Variants in HYDIN observed in about 807,000 individuals in gnomAD.
HYDIN encodes the protein axonemal central pair apparatus protein HYDIN.
A neutral mutation model predicts 403.9 loss-of-function variants in HYDIN; 132 were observed. The ratio of observed to expected loss-of-function variants is 0.33; its 90% CI spans 0.28 to 0.38. The LOEUF is 0.38. HYDIN is among the 10% of genes least tolerant of loss of function. The pLI is 1.00. For missense variants in HYDIN, 2,827 were observed against 5,009.5 expected (o/e 0.56, Z 13.15); for synonymous variants, 1,202 against 1,891.7 (o/e 0.64, Z 9.46).
At chr16:70,897,741 T>C (rs1301005246) in intron 53 of HYDIN, among the ~76,000 whole-genome samples, 3 of 152,116 alleles carry the variant, frequency 2.0e-5, no homozygotes. Context: ...TGAAGGCATT[T>C]CCTTCTGTGG....
chr16:70,938,574 G>A (rs367763205), intron 44 of HYDIN, 40 bp downstream of exon 44: 507 of 1,386,226 alleles, frequency 3.7e-4, no homozygotes, highest in Non-Finnish European at 4.6e-4. Flanking sequence ...GGACGGTCCC[G>A]GGGGAATGGC....
At chr16:70,838,579 T>C (rs994959942) in intron 76 of HYDIN, among the ~76,000 whole-genome samples, 2 of 152,032 alleles carry the variant, frequency 1.3e-5, no homozygotes, top group African/African-American at 4.8e-5. Flanking sequence ...AGTAATTAGG[T>C]AACAAGGCAC....
intron 5 of HYDIN, among the ~76,000 whole-genome samples, chr16:71,172,180 AAC>A (rs1293270556): frequency 6.6e-6 from 1 of 152,180 alleles, no homozygotes; most frequent in Admixed American, 6.5e-5. Flanking sequence ...AAACTGGAAA[AAC>A]CATTTTGACA....
At chr16:70,866,086 A>T in intron 67 of HYDIN, 83 bp downstream of exon 67, 1 of 724,516 alleles carries the variant, frequency 1.4e-6, no homozygotes. Context: ...TGCTGTAGAT[A>T]ATAGACGTTT....
chr16:70,828,760 T>C (rs889655340), intron 81 of HYDIN, among the ~76,000 whole-genome samples: 22 of 152,192 alleles, frequency 1.4e-4, no homozygotes, highest in African/African-American at 5.3e-4. Flanking sequence ...GGAATTCTCA[T>C]TCAGTGAAAT....
chr16:71,040,949 G>A (rs1268560202), intron 18 of HYDIN, among the ~76,000 whole-genome samples: 1 of 148,568 alleles, frequency 6.7e-6, no homozygotes, highest in Non-Finnish European at 1.5e-5. Context: ...ACAGAAGAAT[G>A]AATCACGTCC....
chr16:71,218,372 G>T (rs989972797), intron 1 of HYDIN, among the ~76,000 whole-genome samples: 1 of 152,190 alleles, frequency 6.6e-6, no homozygotes, highest in Admixed American at 6.5e-5. Context: ...CAGGGCTGGG[G>T]AGCAGAATAC....
chr16:71,170,712 T>C (rs2086427985), intron 5 of HYDIN, among the ~76,000 whole-genome samples: 1 of 152,206 alleles, frequency 6.6e-6, no homozygotes, highest in African/African-American at 2.4e-5. Flanking sequence ...TGTAATGATA[T>C]TAAGGAGTGA....
At chr16:70,994,708 C>T (rs1053736817) in intron 23 of HYDIN, among the ~76,000 whole-genome samples, 15 of 148,732 alleles carry the variant, frequency 1.0e-4, no homozygotes, top group Admixed American at 6.6e-4. Context: ...TAGGAGCTGC[C>T]GTGGGTAGGA....
chr16:70,811,782 G>A (rs1425426252), intron 84 of HYDIN, among the ~76,000 whole-genome samples: 3 of 151,234 alleles, frequency 2.0e-5, no homozygotes, highest in Non-Finnish European at 2.9e-5. Context: ...GCTTGAACTC[G>A]GGAGGCAGAG....
At chr16:71,082,445 G>A (rs1444786553) in intron 12 of HYDIN, among the ~76,000 whole-genome samples, 1 of 151,596 alleles carries the variant, frequency 6.6e-6, no homozygotes, top group Non-Finnish European at 1.5e-5. Flanking sequence ...CTTAGCAATT[G>A]ATCATGAGTT....
At chr16:71,165,230 G>C (rs1293161664) in intron 5 of HYDIN, among the ~76,000 whole-genome samples, 1 of 151,126 alleles carries the variant, frequency 6.6e-6, no homozygotes, top group Non-Finnish European at 1.5e-5. Context: ...CGTTTCTCTG[G>C]CCACATCTCC....
intron 45 of HYDIN, among the ~76,000 whole-genome samples, chr16:70,931,222 T>TTA (rs1461919426): frequency 7.7e-6 from 1 of 129,658 alleles, no homozygotes; most frequent in Non-Finnish European, 1.7e-5. Context: ...TTTTTTTTTT[T>TTA]TTTTTTTTTT....
chr16:70,961,801 G>A (rs1175999567), intron 38 of HYDIN, among the ~76,000 whole-genome samples, 158 bp downstream of exon 38: 1 of 152,060 alleles, frequency 6.6e-6, no homozygotes, highest in Non-Finnish European at 1.5e-5. Context: ...ACTGTGAGTG[G>A]CAGATCAGAG....
chr16:71,015,881 A>G (rs1016346939), intron 23 of HYDIN, among the ~76,000 whole-genome samples: 1 of 150,742 alleles, frequency 6.6e-6, no homozygotes, highest in African/African-American at 2.4e-5. Flanking sequence ...TACAAAGCCC[A>G]TTAGTTCTGG....
At chr16:70,896,118 C>T (rs1054352121) in intron 53 of HYDIN, 38 bp from the exon 54 acceptor site, 44 of 1,609,888 alleles carry the variant, frequency 2.7e-5, no homozygotes, top group Non-Finnish European at 3.7e-5. Flanking sequence ...AAAAGCAAGA[C>T]CTATAGGTGC....
chr16:70,894,275 T>G, intron 55 of HYDIN, 174 bp downstream of exon 55: 1 of 592,082 alleles, frequency 1.7e-6, no homozygotes, highest in Non-Finnish European at 3.0e-6. Context: ...GCAGAGACGG[T>G]TCTTATGATT....
At chr16:70,979,139 T>G in intron 29 of HYDIN, 98 bp from the exon 30 acceptor site, 1 of 1,261,024 alleles carries the variant, frequency 7.9e-7, no homozygotes, top group Admixed American at 2.0e-5. Flanking sequence ...CAGCTCCTGG[T>G]AAGGTGGGAA....
intron 5 of HYDIN, among the ~76,000 whole-genome samples, chr16:71,163,795 G>T (rs890353009): frequency 9.2e-5 from 14 of 152,200 alleles, no homozygotes; most frequent in Non-Finnish European, 1.9e-4. Flanking sequence ...CCACCCAGCT[G>T]AACCACAGTC....
Sources: gnomAD v4.1 joint callset for allele counts (sites outside exome capture counted in the v4.1 genomes callset) on GRCh38, gnomAD v4.1.1 for gene constraint, MANE v1.5 for transcripts, NCBI Gene and HGNC (gene_info 2026-07-23, HGNC 2026-07-21) for gene names.